Variants in RBFOX1 observed in about 807,000 individuals in gnomAD.
RBFOX1 encodes the protein RNA binding protein fox-1 homolog 1.
A neutral mutation model predicts 57.7 loss-of-function variants in RBFOX1; 8 were observed. The observed-to-expected ratio is 0.14, with a 90% CI of 0.08 to 0.25. The LOEUF (loss-of-function observed/expected upper bound fraction) is 0.25, where lower values mean the gene tolerates loss of function less well. RBFOX1 is among the 10% of genes least tolerant of loss of function. The pLI is 1.00. For synonymous variants in RBFOX1, 326 were observed against 222.4 expected (o/e 1.47, Z -4.15); for missense variants, 611 against 548.5 (o/e 1.11, Z -1.14).
chr16:7,538,987 A>G (rs1350713227), intron 5 of RBFOX1, among the ~76,000 whole-genome samples: 1 of 151,990 alleles, frequency 6.6e-6, no homozygotes, highest in East Asian at 1.9e-4. Flanking sequence ...GCTGAATTCG[A>G]AAAAGGTGTG....
In RBFOX1 at chr16:7,165,966, A is replaced by ATACG. The variant is rs2079420328; in HGVS notation, c.27+113871_27+113872insGTAC. ...CACACACACACACACACACACACAC[A>ATACG]TACATACATACACCCCAGATTTCCT... On this transcript the variant is annotated intron_variant, in intron 4 of 15. Transcript: ENST00000550418. Among the ~76,000 whole-genome samples, 3 of 147,752 alleles carry ATACG rather than the reference A, an allele frequency of 2.0e-5. No homozygotes were observed. In the South Asian group the frequency reaches 6.4e-4, roughly 32 times the overall value.
At position 7,711,953 on chromosome 16, in the gene RBFOX1, T is replaced by C. The variant is rs2084059424; in HGVS notation, c.*1208T>C. On this transcript the variant is annotated 3_prime_UTR_variant, in exon 16 of 16. Coordinates refer to ENST00000550418, the MANE Select transcript of RBFOX1 (RefSeq NM_018723.4). ...ATCCTGCCCTTCCACCTCTTTCCCA[T>C]ACCCCCAAGGATTATCTCAAAATGA... 1.3e-5 allele frequency: 2 copies of C among 152,512 alleles called. No individual in the cohort carries two copies. Among genetic ancestry groups the C allele is most frequent in the African/African-American group, 4.8e-5 (2 of 41,432 alleles). The allele number at this position is 152,512 out of a possible 1,614,324, so 9.4% of individuals were successfully genotyped here.
intron 1 of RBFOX1, among the ~76,000 whole-genome samples, chr16:5,313,336 A>G (rs572166510): frequency 3.3e-5 from 5 of 152,206 alleles, no homozygotes; most frequent in Non-Finnish European, 7.4e-5. Flanking sequence ...AGCTCTAGAT[A>G]TGGCTTTCCC....
intron 2 of RBFOX1, among the ~76,000 whole-genome samples, chr16:6,409,406 C>T (rs1302058350): frequency 6.6e-6 from 1 of 152,124 alleles, no homozygotes. Context: ...GGGAGCGAAA[C>T]CCGGTCTCAA....
chr16:5,424,170 CTCTCTCTCGT>C (rs1475637659), intron 1 of RBFOX1, among the ~76,000 whole-genome samples: 1 of 152,176 alleles, frequency 6.6e-6, no homozygotes, highest in Non-Finnish European at 1.5e-5. Context: ...AGTGTGCACT[CTCTCTCTCGT>C]TCTCTCTCGT....
intron 3 of RBFOX1, among the ~76,000 whole-genome samples, chr16:5,618,146 G>A (rs773086354): frequency 1.5e-4 from 23 of 152,054 alleles, no homozygotes; most frequent in African/African-American, 5.6e-4. Context: ...CCCACTGCCC[G>A]TCCACCAACA....
intron 1 of RBFOX1, among the ~76,000 whole-genome samples, chr16:5,329,593 C>T (rs1316534067): frequency 1.3e-5 from 2 of 152,184 alleles, no homozygotes; most frequent in African/African-American, 4.8e-5. Flanking sequence ...ATAATTTATT[C>T]AAGTTTACTG....
chr16:7,364,984 G>C (rs1468253429), intron 4 of RBFOX1, among the ~76,000 whole-genome samples: 1 of 152,128 alleles, frequency 6.6e-6, no homozygotes, highest in Non-Finnish European at 1.5e-5. Context: ...ATGATCAGAT[G>C]ATTCTTTTGG....
intron 3 of RBFOX1, among the ~76,000 whole-genome samples, chr16:6,747,426 ATCAG>A (rs1322802860): frequency 2.1e-5 from 3 of 143,242 alleles, no homozygotes; most frequent in Non-Finnish European, 3.0e-5. Flanking sequence ...AAAAAAATCT[ATCAG>A]TCAGTCAGTC....
chr16:6,837,154 A>G (rs1307575800), intron 3 of RBFOX1, among the ~76,000 whole-genome samples: 1 of 152,212 alleles, frequency 6.6e-6, no homozygotes, highest in Non-Finnish European at 1.5e-5. Flanking sequence ...TATTCAGGAA[A>G]GCTGGTTTTC....
In RBFOX1 at chr16:5,454,748, T is replaced by TCTTTTCTTTCTTTCCTTTC. The variant is rs1486882246; in HGVS notation, c.220-12459_220-12458insCTTTCCTTTCCTTTTCTTT. Among the ~76,000 whole-genome samples the TCTTTTCTTTCTTTCCTTTC allele has an allele frequency of 2.9e-4, 32 of 109,478 alleles. 1 individual carries two copies. Among genetic ancestry groups the TCTTTTCTTTCTTTCCTTTC allele is most frequent in the African/African-American group, 1.0e-3 (27 of 26,324 alleles). The allele number at this position is 109,478 out of a possible 152,430, so 71.8% of individuals were successfully genotyped here. ...ATCTCTCTCTTTCTTTCTTTCTTTT[T>TCTTTTCTTTCTTTCCTTTC]CTTTTCTTTTCTTTCTTTCTCTTTC... is the stretch of plus-strand genomic sequence containing the variant. On this transcript the variant is annotated intron_variant, in intron 1 of 2. Transcript: ENST00000585867.
At chr16:6,734,588 ACT>A (rs1162063537) in intron 3 of RBFOX1, among the ~76,000 whole-genome samples, 1 of 151,538 alleles carries the variant, frequency 6.6e-6, no homozygotes, top group Non-Finnish European at 1.5e-5. Flanking sequence ...GCTCTTAACT[ACT>A]CTCCTAAACT....
At chr16:5,359,041 A>G (rs1004633490) in intron 1 of RBFOX1, among the ~76,000 whole-genome samples, 1 of 152,168 alleles carries the variant, frequency 6.6e-6, no homozygotes, top group Non-Finnish European at 1.5e-5. Flanking sequence ...TTTATATCCC[A>G]GAAATTAGTG....
chr16:5,648,576 C>T (rs1370457496), intron 3 of RBFOX1, among the ~76,000 whole-genome samples: 3 of 151,884 alleles, frequency 2.0e-5, no homozygotes, highest in African/African-American at 7.3e-5. Context: ...TGCTCTGTGC[C>T]CTATGATGCA....
At chr16:6,755,303 G>C (rs554727613) in intron 3 of RBFOX1, among the ~76,000 whole-genome samples, 46 of 152,246 alleles carry the variant, frequency 3.0e-4, no homozygotes, top group Middle Eastern at 3.4e-3. Context: ...GGTTGAACTA[G>C]TTTACAGTCC....
In RBFOX1 at chr16:7,518,147, G is replaced by C. The variant is rs2271129; in HGVS notation, c.28G>C (p.Gly10Arg). 1 of 1,606,614 alleles carries C rather than the reference G, an allele frequency of 6.2e-7. No homozygotes were observed. Among genetic ancestry groups the C allele is most frequent in the East Asian group, 2.2e-5 (1 of 44,766 alleles). Residue 10 changes from glycine to arginine, a missense_variant and splice_region_variant, in exon 5 of 16, where the codon GGT (glycine) becomes CGT (arginine). Gly to Arg is a moderately radical substitution (Grantham distance 125). Coordinates refer to ENST00000550418, the MANE Select transcript of RBFOX1 (RefSeq NM_018723.4). MNCEREQLR[G>R]NQEAAAAPDT... ...TCTCTGCACCTTTTTGATTTTTCAG[G>C]GTAATCAGGAAGCAGCCGCTGCCCC...
At chr16:7,514,990 G>T (rs193168972) in intron 4 of RBFOX1, among the ~76,000 whole-genome samples, 37 of 152,286 alleles carry the variant, frequency 2.4e-4, no homozygotes, top group Non-Finnish European at 2.9e-4. Flanking sequence ...TGGTTATTCT[G>T]TGCTTCCCTG....
intron 4 of RBFOX1, among the ~76,000 whole-genome samples, chr16:5,868,756 T>A (rs1295887517): frequency 6.6e-6 from 1 of 152,150 alleles, no homozygotes; most frequent in African/African-American, 2.4e-5. Flanking sequence ...GACCAGTCAC[T>A]CGAGTGAGTT....
chr16:7,017,633 A>C (rs1417810507), intron 3 of RBFOX1, among the ~76,000 whole-genome samples: 2 of 152,084 alleles, frequency 1.3e-5, no homozygotes, highest in East Asian at 3.9e-4. Context: ...GGTTGAAATG[A>C]GTGTTGCTTT....
Sources: gnomAD v4.1 joint callset for allele counts (sites outside exome capture counted in the v4.1 genomes callset) on GRCh38, gnomAD v4.1.1 for gene constraint, MANE v1.5 for transcripts, NCBI Gene and HGNC (gene_info 2026-07-23, HGNC 2026-07-21) for gene names.